SETD7: variants seen among roughly 807,000 people sequenced by gnomAD.
The protein encoded by SETD7 is histone-lysine N-methyltransferase SETD7.
SETD7 carries 16 observed loss-of-function variants against 41.8 expected under a neutral mutation model. The ratio of observed to expected loss-of-function variants is 0.38; its 90% CI spans 0.26 to 0.58. The LOEUF is 0.58. Among genes scored for constraint, SETD7 ranks in the 20% least tolerant of loss-of-function variants. The pLI, the probability that SETD7 is intolerant of heterozygous loss-of-function variation, is 0.64. For synonymous variants in SETD7, 163 were observed against 169.7 expected (o/e 0.96, Z 0.31); for missense variants, 346 against 459.7 (o/e 0.75, Z 2.26).
chr4:139,524,993 T>C (rs943647035), intron 4 of SETD7, among the ~76,000 whole-genome samples: 1 of 152,168 alleles, frequency 6.6e-6, no homozygotes, highest in Non-Finnish European at 1.5e-5. Flanking sequence ...ATTTTTGTAT[T>C]TTCAGTAGAG....
intron 2 of SETD7, among the ~76,000 whole-genome samples, chr4:139,544,475 C>T (rs780814032): frequency 1.3e-5 from 2 of 152,068 alleles, no homozygotes; most frequent in African/African-American, 2.4e-5. Flanking sequence ...CAAATTAATG[C>T]ATTTGTCTGA....
chr4:139,504,968 G>A (rs1726665543), downstream of SETD7, among the ~76,000 whole-genome samples: 1 of 152,128 alleles, frequency 6.6e-6, no homozygotes, highest in African/African-American at 2.4e-5. Flanking sequence ...CGTGTTAGAG[G>A]GTGAAGCCTT....
At chr4:139,493,963 C>G (rs1726403513), downstream of SETD7, among the ~76,000 whole-genome samples, 1 of 149,314 alleles carries the variant, frequency 6.7e-6, no homozygotes. Context: ...CACTCAGTGA[C>G]TGCCTGCCTC....
intron 7 of SETD7, among the ~76,000 whole-genome samples, chr4:139,498,792 C>G (rs1425924373): frequency 6.6e-6 from 1 of 152,194 alleles, no homozygotes; most frequent in Non-Finnish European, 1.5e-5. Flanking sequence ...AAAAATATCA[C>G]TCTAACTTTC....
chr4:139,514,426 C>G (rs1412258179), intron 7 of SETD7, among the ~76,000 whole-genome samples: 7 of 151,934 alleles, frequency 4.6e-5, no homozygotes, highest in Non-Finnish European at 1.0e-4. Context: ...TCTTATAATC[C>G]TCTTTTATTT....
chr4:139,546,052 G>A (rs1367489990), intron 2 of SETD7, among the ~76,000 whole-genome samples: 2 of 152,168 alleles, frequency 1.3e-5, no homozygotes, highest in East Asian at 1.9e-4. Flanking sequence ...AAAGAAAAAC[G>A]TCCTATAGTC....
intron 2 of SETD7, chr4:139,546,604 A>T (rs187760615): frequency 0.013 from 4,756 of 375,270 alleles, 210 homozygotes; most frequent in African/African-American, 0.093. Context: ...CGCTACCGGA[A>T]TGATCAAGTG....
chr4:139,555,768 G>T lies in SETD7; in HGVS notation c.40+330C>A, dbSNP rs1323993757. ...CCTGCGGAGTGCACCCACCCTCCGC[G>T]CCCAAAGGCGGAAAGGCCAGAGCGC... On this transcript the variant is annotated intron_variant, in intron 1 of 7. Transcript: ENST00000274031. This position sits in a 1 kb window ranked among gnomAD's most constrained non-coding sequence, Gnocchi z 4.0. Among the ~76,000 whole-genome samples, 1 of 152,148 alleles carries T rather than the reference G, an allele frequency of 6.6e-6. No individual in the cohort carries two copies. The highest frequency in any genetic ancestry group is 6.5e-5 in the Admixed American group (1 of 15,276).
chr4:139,552,163 G>T (rs1218352316), intron 1 of SETD7, among the ~76,000 whole-genome samples: 1 of 152,088 alleles, frequency 6.6e-6, no homozygotes, highest in East Asian at 1.9e-4. Context: ...CAGAAAGGGT[G>T]CTACAAATAC....
chr4:139,529,005 A>T, intron 4 of SETD7, 26 bp downstream of exon 4: 1 of 1,603,642 alleles, frequency 6.2e-7, no homozygotes, highest in South Asian at 1.1e-5. Context: ...AATTGGAGCA[A>T]CCCATCTGAA....
chr4:139,518,078 C>A (rs1727079302), intron 6 of SETD7, 36 bp from the exon 7 acceptor site: 2 of 1,591,902 alleles, frequency 1.3e-6, no homozygotes, highest in Non-Finnish European at 1.7e-6. Flanking sequence ...TAGAGAGGAC[C>A]TTTCTCCCCA....
At chr4:139,513,289 G>C (rs774533986) in intron 7 of SETD7, among the ~76,000 whole-genome samples, 1 of 151,570 alleles carries the variant, frequency 6.6e-6, no homozygotes, top group Admixed American at 6.6e-5. Context: ...GTGTGGTGGC[G>C]CACACCTGTA....
chr4:139,534,485 C>T (rs1727582308), intron 2 of SETD7, among the ~76,000 whole-genome samples: 1 of 152,014 alleles, frequency 6.6e-6, no homozygotes, highest in African/African-American at 2.4e-5. Context: ...CCTCCTGGGG[C>T]TCAAGCCATC....
chr4:139,517,475 CAAAA>C (rs56132171), intron 7 of SETD7, among the ~76,000 whole-genome samples: 9 of 134,042 alleles, frequency 6.7e-5, no homozygotes, highest in African/African-American at 2.8e-4. Context: ...AAATCCATCT[CAAAA>C]AAAAAAAAAA....
chr4:139,550,090 G>C (rs1646368979), intron 1 of SETD7, among the ~76,000 whole-genome samples: 1 of 152,036 alleles, frequency 6.6e-6, no homozygotes, highest in South Asian at 2.1e-4. Flanking sequence ...TCACTGTGTT[G>C]CCCAGGCTGG....
chr4:139,494,733 C>G (rs1726421730), downstream of SETD7, among the ~76,000 whole-genome samples: 1 of 152,226 alleles, frequency 6.6e-6, no homozygotes, highest in African/African-American at 2.4e-5. Flanking sequence ...AGGCACATGC[C>G]TTATGCCTAT....
chr4:139,555,182 C>CAA lies in SETD7; in HGVS notation c.40+914_40+915dup, dbSNP rs34969738. 3.9e-3 allele frequency among the ~76,000 whole-genome samples: 426 copies of CAA among 110,266 alleles called. 4 individuals are homozygous for CAA. Among genetic ancestry groups the CAA allele is most frequent in the African/African-American group, 7.3e-3 (233 of 31,998 alleles). The allele number at this position is 110,266 out of a possible 152,430, so 72.3% of individuals were successfully genotyped here. ...CCCCACATCGTTTTTTCAGAACTAA[C>CAA]AAAAAAAAAAAAAAAAAGGTGGAGA... On this transcript the variant is annotated intron_variant, in intron 1 of 7. Transcript: ENST00000274031. This position sits in a 1 kb window ranked among gnomAD's most constrained non-coding sequence, Gnocchi z 4.0.
intron 2 of SETD7, among the ~76,000 whole-genome samples, chr4:139,537,058 C>T (rs985459003): frequency 1.3e-5 from 2 of 152,196 alleles, no homozygotes; most frequent in African/African-American, 4.8e-5. Flanking sequence ...TCACTGCAAC[C>T]TCTGCCTCCT....
chr4:139,504,465 C>CT (rs1021372880), downstream of SETD7, among the ~76,000 whole-genome samples: 211 of 150,814 alleles, frequency 1.4e-3, 2 homozygotes, highest in African/African-American at 4.6e-3. Context: ...TCTGTTTTTC[C>CT]TTTTTTTTTC....
Sources: allele counts gnomAD v4.1 joint callset (sites outside exome capture counted in the v4.1 genomes callset), GRCh38; gene constraint gnomAD v4.1.1; non-coding constraint Gnocchi (gnomAD v3.1); transcripts MANE v1.5; gene names NCBI Gene and HGNC (gene_info 2026-07-23, HGNC 2026-07-21).